The following FRMD3 variants were observed in gnomAD, a reference collection of about 807,000 sequenced individuals.
The protein encoded by FRMD3 is FERM domain containing 3, also known as FERM domain-containing protein 3.
A neutral mutation model predicts 70.2 loss-of-function variants in FRMD3; 33 were observed. The ratio of observed to expected loss-of-function variants is 0.47; its 90% CI spans 0.36 to 0.63. FRMD3 has a LOEUF of 0.63. Ranked by LOEUF, FRMD3 falls within the 20% of genes least tolerant of loss-of-function variation. FRMD3 has a pLI of 0.00. For synonymous variants in FRMD3, 279 were observed against 255.9 expected (o/e 1.09, Z -0.86); for missense variants, 632 against 711.4 (o/e 0.89, Z 1.27).
At chr9:83,312,292 G>A (rs1835391846) in intron 7 of FRMD3, among the ~76,000 whole-genome samples, 1 of 152,164 alleles carries the variant, frequency 6.6e-6, no homozygotes, top group Non-Finnish European at 1.5e-5. Flanking sequence ...TGTGTTCTAG[G>A]TCTGCTTTGT....
In FRMD3 at chr9:83,311,904, T is replaced by G; in HGVS notation, c.756A>C (p.Arg252Ser). Residue 252 changes from arginine to serine, a missense_variant, in exon 8 of 14, where the codon AGA becomes AGC. By Grantham distance (110) the Arg-to-Ser change is moderately radical. Around this residue, in one of 3 missense-constraint regions of FRMD3, gnomAD observed 418 missense variants for 442.1 expected, o/e 0.95. Transcript: ENST00000304195. Reference protein sequence around the residue: ...AGFVVFQGNKRIHLIKWPDVC... With the variant: ...AGFVVFQGNKSIHLIKWPDVC... ...GCACTTACCATTTTATCAAATGGAT[T>G]CTCTTATTTCCCTGAAAGACCACAA... is the stretch of plus-strand genomic sequence containing the variant. 6.2e-7 allele frequency: 1 copy of G among 1,610,568 alleles called. No individual in the cohort carries two copies. The highest frequency in any genetic ancestry group is 8.5e-7 in the Non-Finnish European group (1 of 1,177,936).
chr9:83,396,863 G>A (rs779051590), intron 1 of FRMD3, among the ~76,000 whole-genome samples: 2 of 152,166 alleles, frequency 1.3e-5, no homozygotes, highest in African/African-American at 2.4e-5. Flanking sequence ...TTTTCACTCC[G>A]GAGAGAAGGT....
chr9:83,321,141 CT>C (rs61459197), intron 6 of FRMD3, among the ~76,000 whole-genome samples: 24,547 of 152,018 alleles, frequency 0.16, 2,021 homozygotes, highest in Middle Eastern at 0.18. Context: ...AAAGAACCAA[CT>C]TTTTGTTTGG....
chr9:83,370,442 C>T (rs552683072), intron 3 of FRMD3, among the ~76,000 whole-genome samples: 2 of 152,262 alleles, frequency 1.3e-5, no homozygotes, highest in South Asian at 2.1e-4. Flanking sequence ...TTTAGCAATA[C>T]AACAGGGATT....
intron 1 of FRMD3, among the ~76,000 whole-genome samples, chr9:83,491,204 T>A (rs554712189): frequency 7.9e-5 from 12 of 152,270 alleles, no homozygotes; most frequent in Admixed American, 2.0e-4. Context: ...ACTACGACAT[T>A]TGAGTATCAG....
intron 10 of FRMD3, among the ~76,000 whole-genome samples, chr9:83,307,903 C>T (rs1835197527): frequency 6.6e-6 from 1 of 152,152 alleles, no homozygotes; most frequent in South Asian, 2.1e-4. Context: ...CTCTGTGTTT[C>T]CCTCTCTGAA....
At chr9:83,550,629 G>A in the FRMD3 span, among the ~76,000 whole-genome samples, 2 of 151,248 alleles carry the variant, frequency 1.3e-5, no homozygotes, top group South Asian at 4.2e-4. Context: ...TTCGAGCAGT[G>A]TTTTGTAATT....
At chr9:83,490,798 TCACACACACACA>T (rs60065758) in intron 1 of FRMD3, among the ~76,000 whole-genome samples, 1 of 110,716 alleles carries the variant, frequency 9.0e-6, no homozygotes, top group Non-Finnish European at 1.8e-5. Context: ...TCTCTCTCTC[TCACACACACACA>T]CACACACACA....
chr9:83,274,001 T>A (rs1249637157), intron 13 of FRMD3, among the ~76,000 whole-genome samples: 1 of 152,116 alleles, frequency 6.6e-6, no homozygotes, highest in Non-Finnish European at 1.5e-5. Context: ...TACATTTTTT[T>A]ATAGAGACGG....
intron 1 of FRMD3, among the ~76,000 whole-genome samples, chr9:83,409,626 C>G (rs1355190708): frequency 6.6e-6 from 1 of 152,218 alleles, no homozygotes. Context: ...ACATTTTTAG[C>G]ACATATTATG....
intron 12 of FRMD3, among the ~76,000 whole-genome samples, chr9:83,293,793 A>G (rs1255358772): frequency 1.3e-5 from 2 of 152,194 alleles, no homozygotes; most frequent in Non-Finnish European, 2.9e-5. Flanking sequence ...CTTGTATTAG[A>G]CCAGGTGACT....
chr9:83,419,582 T>C (rs756564193), intron 1 of FRMD3, among the ~76,000 whole-genome samples: 2 of 151,658 alleles, frequency 1.3e-5, no homozygotes, highest in Non-Finnish European at 2.9e-5. Flanking sequence ...ATGTGTGTGA[T>C]ATGTGTTCAT....
At chr9:83,286,159 T>A (rs1834200349) in intron 13 of FRMD3, among the ~76,000 whole-genome samples, 1 of 152,172 alleles carries the variant, frequency 6.6e-6, no homozygotes, top group Non-Finnish European at 1.5e-5. Flanking sequence ...GCTTGTCTGA[T>A]AAATGGGTGG....
At chr9:83,287,557 C>G (rs925335006) in intron 13 of FRMD3, among the ~76,000 whole-genome samples, 1 of 152,160 alleles carries the variant, frequency 6.6e-6, no homozygotes, top group Non-Finnish European at 1.5e-5. Flanking sequence ...CACACGAGGC[C>G]CATAATCTGG....
At chr9:83,477,870 C>G in intron 1 of FRMD3, among the ~76,000 whole-genome samples, 1 of 152,190 alleles carries the variant, frequency 6.6e-6, no homozygotes. Flanking sequence ...TTGGACCTTT[C>G]CTTAGAAGAA....
At chr9:83,267,260 T>C in intron 13 of FRMD3, 1 of 1,501,116 alleles carries the variant, frequency 6.7e-7, no homozygotes, top group South Asian at 1.3e-5. Flanking sequence ...AATGTCAGGT[T>C]CCTAATGCGG....
intron 3 of FRMD3, among the ~76,000 whole-genome samples, chr9:83,353,799 C>G (rs12346118): frequency 6.6e-6 from 1 of 152,130 alleles, no homozygotes; most frequent in East Asian, 1.9e-4. Flanking sequence ...GTTACGATAG[C>G]TACTTCTAGA....
intron 1 of FRMD3, among the ~76,000 whole-genome samples, chr9:83,514,480 A>C (rs1829410628): frequency 6.6e-6 from 1 of 152,140 alleles, no homozygotes; most frequent in African/African-American, 2.4e-5. Context: ...TTTATATCTA[A>C]AACTCCCATC....
the FRMD3 span, among the ~76,000 whole-genome samples, chr9:83,545,601 C>G: frequency 6.6e-6 from 1 of 151,950 alleles, no homozygotes; most frequent in African/African-American, 2.4e-5. Context: ...TCGTGATCTG[C>G]CCCCCTCGGC....
Sources: allele counts gnomAD v4.1 joint callset (sites outside exome capture counted in the v4.1 genomes callset), GRCh38; gene constraint gnomAD v4.1.1; regional missense constraint gnomAD v4.1.1; transcripts MANE v1.5; gene names NCBI Gene and HGNC (gene_info 2026-07-23, HGNC 2026-07-21).